Variants in LRRC43 observed in about 807,000 individuals in gnomAD.
LRRC43 encodes the protein leucine-rich repeat-containing protein 43.
Under a neutral mutation model 64.3 loss-of-function variants are expected in LRRC43, and 62 were observed. The observed-to-expected ratio is 0.96, with a 90% CI of 0.79 to 1.19. LRRC43 has a LOEUF of 1.19. LRRC43 is among the 50% of genes most tolerant of loss of function. LRRC43 has a pLI of 0.00. For synonymous variants in LRRC43, 422 were observed against 382.3 expected (o/e 1.10, Z -1.21); for missense variants, 868 against 845.0 (o/e 1.03, Z -0.34).
Position 122,200,103 on chromosome 12 carries a change from C to T in LRRC43, c.1350-86C>T, listed in dbSNP as rs1000425697. ...TGGGCTTCGATGCTCGTGGTCTCCTCGGATGTCCCCTCACAGTCCTGTCCC... is the reference window on the plus strand; with the variant it reads ...TGGGCTTCGATGCTCGTGGTCTCCTTGGATGTCCCCTCACAGTCCTGTCCC... On this transcript the variant is annotated intron_variant, in intron 7 of 11. Coordinates refer to ENST00000339777, the MANE Select transcript of LRRC43 (RefSeq NM_001098519.2). This position sits in a 1 kb window ranked among gnomAD's most constrained non-coding sequence, Gnocchi z 4.6. 1.9e-5 allele frequency: 27 copies of T among 1,450,660 alleles called. No homozygotes were observed. The African/African-American group carries it at 2.3e-4, about 12-fold the overall frequency. 89.9% of individuals were successfully genotyped at this position (1,450,660 alleles called of 1,614,324 possible).
At chr12:122,188,599 C>T (rs1953675419) in intron 4 of LRRC43, among the ~76,000 whole-genome samples, 1 of 151,660 alleles carries the variant, frequency 6.6e-6, no homozygotes, top group South Asian at 2.1e-4. Flanking sequence ...CACCACCACA[C>T]CTGGCTAATT....
Position 122,199,278 on chromosome 12 carries a change from CT to C in LRRC43, c.1350-889del, listed in dbSNP as rs1165454881. 9.6e-3 allele frequency among the ~76,000 whole-genome samples: 828 copies of C among 86,142 alleles called. 2 individuals carry two copies. Among genetic ancestry groups the C allele is most frequent in the African/African-American group, 0.037 (669 of 18,016 alleles). 56.5% of individuals were successfully genotyped at this position (86,142 alleles called of 152,430 possible). On this transcript the variant is annotated intron_variant, in intron 7 of 11. Transcript: ENST00000339777. The stretch of plus-strand genomic sequence containing the variant: ...TGGGGCTAGGCTAGAATTGTTTCAG[CT>C]TTTTTTTTTTTTTTTTTTTTTGAGA...
At chr12:122,179,076 T>G (rs983457507), upstream of LRRC43, among the ~76,000 whole-genome samples, 3 of 152,058 alleles carry the variant, frequency 2.0e-5, no homozygotes, top group Admixed American at 6.6e-5. Context: ...TCTTTGCTTG[T>G]TGGTTGGCTG....
chr12:122,201,231 A>C, intron 10 of LRRC43, 65 bp from the exon 11 acceptor site: 1 of 1,565,320 alleles, frequency 6.4e-7, no homozygotes, highest in Non-Finnish European at 8.8e-7. Context: ...GGGGCCCCAG[A>C]GACACCCCTT....
At chr12:122,196,738 C>T (rs566776080) in intron 7 of LRRC43, among the ~76,000 whole-genome samples, 1 of 151,078 alleles carries the variant, frequency 6.6e-6, no homozygotes, top group Non-Finnish European at 1.5e-5. Context: ...CACTGCACTC[C>T]AGCCTGGGAA....
upstream of LRRC43, among the ~76,000 whole-genome samples, chr12:122,178,123 C>T (rs1335637836): frequency 6.6e-6 from 1 of 152,114 alleles, no homozygotes; most frequent in Non-Finnish European, 1.5e-5. Context: ...CAAGTGGGAG[C>T]CACCACGCCT....
At position 122,196,334 on chromosome 12, in the gene LRRC43, A is replaced by G. The variant is rs555996152; in HGVS notation, c.1349+3330A>G. 3.9e-5 allele frequency among the ~76,000 whole-genome samples: 6 copies of G among 152,340 alleles called. 1 individual carries two copies. In the South Asian group the frequency reaches 8.3e-4, roughly 21 times the overall value. ...TTCCTTAGTTTACTTGTAAGCCTTT[A>G]TATTTTCCATACAATTATTTGCCAT... On this transcript the variant is annotated intron_variant, in intron 7 of 11. Transcript: ENST00000339777.
intron 5 of LRRC43, among the ~76,000 whole-genome samples, chr12:122,190,734 G>A (rs146073697): frequency 0.038 from 5,811 of 152,200 alleles, 340 homozygotes; most frequent in African/African-American, 0.13. Flanking sequence ...ATGGTGGCAA[G>A]TGCCTGTAAT....
intron 1 of LRRC43, among the ~76,000 whole-genome samples, chr12:122,175,298 T>C: frequency 6.6e-6 from 1 of 151,154 alleles, no homozygotes; most frequent in East Asian, 2.0e-4. Context: ...GCCTCCTGAG[T>C]GGCTGGGATT....
upstream of LRRC43, chr12:122,183,102 C>G (rs777714926): frequency 2.0e-6 from 3 of 1,516,118 alleles, no homozygotes; most frequent in Non-Finnish European, 2.6e-6. Flanking sequence ...CCCCTGCCCC[C>G]GCGCACGCGT....
upstream of LRRC43, among the ~76,000 whole-genome samples, chr12:122,181,765 C>T (rs1286303115): frequency 6.6e-6 from 1 of 150,450 alleles, no homozygotes. Context: ...GTCACCACGC[C>T]TGGCTAATTT....
At chr12:122,172,423 C>T in intron 1 of LRRC43, 2 of 1,612,244 alleles carry the variant, frequency 1.2e-6, no homozygotes, top group Non-Finnish European at 1.7e-6. Context: ...TAAGTGGTGG[C>T]CTGTTGGGCT....
intron 1 of LRRC43, chr12:122,172,791 A>C (rs140664709): frequency 1.4e-6 from 2 of 1,400,634 alleles, no homozygotes; most frequent in Non-Finnish European, 2.0e-6. Context: ...TGACAGCTGC[A>C]AGTCTTAACA....
intron 1 of LRRC43, among the ~76,000 whole-genome samples, chr12:122,168,512 C>G (rs1953459566): frequency 6.6e-6 from 1 of 151,770 alleles, no homozygotes; most frequent in South Asian, 2.1e-4. Context: ...TGGTCTCGAG[C>G]TGATCACTCA....
chr12:122,191,566 A>C lies in LRRC43; in HGVS notation c.1088A>C (p.Glu363Ala). Reference protein sequence around the residue: ...EMNESAGVLAEIVKPSPSLEL... With the variant: ...EMNESAGVLAAIVKPSPSLEL... ...AATGAGTCCGCGGGCGTCCTGGCCG[A>C]GGTGTGCCCTGGTCTGTCCCTAGGA... Residue 363 changes from glutamate to alanine, a missense_variant and splice_region_variant, in exon 6 of 12, where the codon GAG (glutamate) becomes GCG (alanine). Physicochemically the swap from Glu to Ala is moderately radical, Grantham distance 107. Coordinates refer to ENST00000339777, the MANE Select transcript of LRRC43 (RefSeq NM_001098519.2). 19 of 1,613,472 alleles carry C rather than the reference A, an allele frequency of 1.2e-5. No individual in the cohort carries two copies. The highest frequency in any genetic ancestry group is 1.6e-5 in the Non-Finnish European group (19 of 1,179,614).
intron 11 of LRRC43, among the ~76,000 whole-genome samples, 193 bp downstream of exon 11, chr12:122,201,522 G>C (rs1308311591): frequency 6.6e-6 from 1 of 152,210 alleles, no homozygotes; most frequent in African/African-American, 2.4e-5. Flanking sequence ...CTGTGTGGGT[G>C]GTGACCAGGG....
chr12:122,189,063 C>T (rs949962218), intron 4 of LRRC43, among the ~76,000 whole-genome samples: 1 of 152,134 alleles, frequency 6.6e-6, no homozygotes, highest in Non-Finnish European at 1.5e-5. Context: ...GGTTCAGCTC[C>T]CAGTTGATAT....
intron 7 of LRRC43, among the ~76,000 whole-genome samples, chr12:122,199,526 C>T (rs2136061666): frequency 6.6e-6 from 1 of 151,760 alleles, no homozygotes; most frequent in South Asian, 2.1e-4. Context: ...TCGTGATCTG[C>T]CTGCCTCTGC....
intron 1 of LRRC43, chr12:122,173,798 G>C (rs752502937): frequency 6.4e-7 from 1 of 1,562,676 alleles, no homozygotes; most frequent in Non-Finnish European, 8.8e-7. Flanking sequence ...GCAATGGAAG[G>C]CATTTTTAAG....
Sources: allele counts gnomAD v4.1 joint callset (sites outside exome capture counted in the v4.1 genomes callset), GRCh38; gene constraint gnomAD v4.1.1; non-coding constraint Gnocchi (gnomAD v3.1); transcripts MANE v1.5; gene names NCBI Gene and HGNC (gene_info 2026-07-23, HGNC 2026-07-21).